RANBP2: variants seen among roughly 807,000 people sequenced by gnomAD.
RANBP2 encodes E3 SUMO-protein ligase RanBP2.
RANBP2 carries 57 observed loss-of-function variants against 303.6 expected under a neutral mutation model. The ratio of observed to expected loss-of-function variants is 0.19; its 90% CI spans 0.15 to 0.23. RANBP2 has a LOEUF of 0.23. RANBP2 is among the 10% of genes least tolerant of loss of function. RANBP2 has a pLI of 1.00. For missense variants in RANBP2, 3,138 were observed against 3,780.8 expected, an observed-to-expected ratio of 0.83 and a Z score of 4.46; for synonymous variants, 1,167 against 1,301.5, an observed-to-expected ratio of 0.90 and a Z score of 2.23.
chr2:109,527,704 C>T, the RANBP2 span, among the ~76,000 whole-genome samples: 1 of 152,040 alleles, frequency 6.6e-6, no homozygotes, highest in African/African-American at 2.4e-5. Context: ...ATGAATTTTG[C>T]AACTGTTTTG....
the RANBP2 span, among the ~76,000 whole-genome samples, chr2:109,487,378 G>A: frequency 3.9e-5 from 6 of 152,142 alleles, no homozygotes; most frequent in Non-Finnish European, 7.3e-5. Context: ...CATATTCCAT[G>A]GATTCCGTGA....
At chr2:109,492,985 T>G in the RANBP2 span, among the ~76,000 whole-genome samples, 1 of 130,770 alleles carries the variant, frequency 7.6e-6, no homozygotes. Flanking sequence ...GGGTTCACAC[T>G]GCACACCACA....
chr2:108,878,926 A>C, the RANBP2 span, among the ~76,000 whole-genome samples: 1 of 152,248 alleles, frequency 6.6e-6, no homozygotes, highest in Non-Finnish European at 1.5e-5. Flanking sequence ...CAAAACACTG[A>C]AAAAGAAATG....
chr2:108,929,197 C>T, the RANBP2 span: 1 of 1,613,966 alleles, frequency 6.2e-7, no homozygotes, highest in Non-Finnish European at 8.5e-7. Context: ...CCTGTGCTTA[C>T]CCAGGGAGGC....
chr2:109,123,892 A>T, the RANBP2 span, among the ~76,000 whole-genome samples: 4 of 152,188 alleles, frequency 2.6e-5, no homozygotes, highest in South Asian at 4.1e-4. Flanking sequence ...TGCTCAATTT[A>T]TAGGTTGTTG....
intron 7 of RANBP2, among the ~76,000 whole-genome samples, chr2:108,741,208 T>A (rs1573734445): frequency 6.6e-6 from 1 of 152,198 alleles, no homozygotes; most frequent in African/African-American, 2.4e-5. Context: ...TTTATTTTTT[T>A]ATTTTTTTTG....
the RANBP2 span, among the ~76,000 whole-genome samples, chr2:109,628,361 G>C: frequency 6.6e-6 from 1 of 152,138 alleles, no homozygotes; most frequent in Non-Finnish European, 1.5e-5. Flanking sequence ...AGGTGTGGTG[G>C]CTTGCGCCTG....
At chr2:108,786,141 G>GT (rs1236056852), downstream of RANBP2, among the ~76,000 whole-genome samples, 2 of 146,184 alleles carry the variant, frequency 1.4e-5, no homozygotes, top group South Asian at 2.3e-4. Context: ...AAAAAAAAAA[G>GT]TTTTTTTTCC....
chr2:108,992,570 A>AT, the RANBP2 span, among the ~76,000 whole-genome samples: 8 of 152,332 alleles, frequency 5.3e-5, no homozygotes, highest in Admixed American at 1.3e-4. Flanking sequence ...GGTTTCACCT[A>AT]ACAACTCACC....
chr2:109,169,106 G>T, the RANBP2 span, among the ~76,000 whole-genome samples: 1 of 152,184 alleles, frequency 6.6e-6, no homozygotes, highest in Non-Finnish European at 1.5e-5. Context: ...ATTCTTTGGA[G>T]CAGGATTGCT....
At chr2:109,379,853 C>T in the RANBP2 span, among the ~76,000 whole-genome samples, 3,326 of 152,174 alleles carry the variant, frequency 0.022, 54 homozygotes, top group Middle Eastern at 0.054. Context: ...CCAGGAAGCA[C>T]CCAATGGCGT....
chr2:108,984,935 A>G, the RANBP2 span, among the ~76,000 whole-genome samples: 1 of 152,226 alleles, frequency 6.6e-6, no homozygotes, highest in African/African-American at 2.4e-5. Flanking sequence ...TTCTGTGCAA[A>G]CATGGGATTG....
At chr2:109,504,098 A>C in the RANBP2 span, 3 of 152,268 alleles carry the variant, frequency 2.0e-5, no homozygotes, top group Non-Finnish European at 4.4e-5. Flanking sequence ...CAGGCCCTGC[A>C]GCCTTCATGA....
the RANBP2 span, among the ~76,000 whole-genome samples, chr2:109,289,412 T>C: frequency 1.3e-5 from 2 of 152,196 alleles, no homozygotes; most frequent in African/African-American, 4.8e-5. Context: ...CACAAACTGT[T>C]GTTGGAACAT....
the RANBP2 span, among the ~76,000 whole-genome samples, chr2:109,626,869 C>G: frequency 6.6e-6 from 1 of 152,168 alleles, no homozygotes; most frequent in African/African-American, 2.4e-5. Flanking sequence ...GCAGGGGAGC[C>G]CTTGTTGGGT....
chr2:108,897,447 C>T, the RANBP2 span, among the ~76,000 whole-genome samples: 520 of 152,216 alleles, frequency 3.4e-3, 4 homozygotes, highest in African/African-American at 0.011. Flanking sequence ...ACCCTGACCC[C>T]GGTAATAGCC....
At chr2:109,624,985 G>T in the RANBP2 span, among the ~76,000 whole-genome samples, 2 of 151,218 alleles carry the variant, frequency 1.3e-5, no homozygotes, top group African/African-American at 4.9e-5. Context: ...GGAAGCTGAG[G>T]CAGGAGAATT....
chr2:109,652,130 C>A, the RANBP2 span, among the ~76,000 whole-genome samples: 1 of 152,180 alleles, frequency 6.6e-6, no homozygotes, highest in African/African-American at 2.4e-5. Flanking sequence ...TTTGTCCTTA[C>A]TACATTAGAC....
At chr2:109,509,829 C>G in the RANBP2 span, among the ~76,000 whole-genome samples, 4 of 152,094 alleles carry the variant, frequency 2.6e-5, no homozygotes, top group Admixed American at 2.0e-4. Context: ...TATGAATTTT[C>G]GGGGAACATA....
Sources: allele counts gnomAD v4.1 joint callset (sites outside exome capture counted in the v4.1 genomes callset), GRCh38; gene constraint gnomAD v4.1.1; transcripts MANE v1.5; gene names NCBI Gene and HGNC (gene_info 2026-07-23, HGNC 2026-07-21).